ZNF804A: variants seen among roughly 807,000 people sequenced by gnomAD.
The protein encoded by ZNF804A is zinc finger protein 804A.
Under a neutral mutation model 16.5 loss-of-function variants are expected in ZNF804A, and 2 were observed. The observed-to-expected ratio is 0.12, with a 90% CI of 0.05 to 0.38. The LOEUF (loss-of-function observed/expected upper bound fraction) is 0.38. Ranked by LOEUF, ZNF804A falls within the 10% of genes least tolerant of loss-of-function variation. The pLI is 0.99. For synonymous variants in ZNF804A, 534 were observed against 489.6 expected, an observed-to-expected ratio of 1.09 and a Z score of -1.20; for missense variants, 1,473 against 1,390.7, an observed-to-expected ratio of 1.06 and a Z score of -0.94.
At chr2:184,662,510 C>A (rs916129277) in intron 1 of ZNF804A, among the ~76,000 whole-genome samples, 3 of 152,134 alleles carry the variant, frequency 2.0e-5, no homozygotes, top group Non-Finnish European at 4.4e-5. Flanking sequence ...CTGGATAATA[C>A]TTTGAAATAT....
chr2:184,606,461 A>G (rs1691147864), intron 1 of ZNF804A, among the ~76,000 whole-genome samples: 1 of 152,164 alleles, frequency 6.6e-6, no homozygotes. Context: ...CCCTCCCTCA[A>G]CACCTGGGGA....
At chr2:184,773,740 C>T (rs1000705326) in intron 1 of ZNF804A, among the ~76,000 whole-genome samples, 40 of 151,716 alleles carry the variant, frequency 2.6e-4, no homozygotes, top group African/African-American at 2.4e-5. Flanking sequence ...TCTCAGAAAT[C>T]GCCACTAAAG....
intron 1 of ZNF804A, among the ~76,000 whole-genome samples, chr2:184,818,267 G>T (rs1293648827): frequency 1.3e-5 from 2 of 151,934 alleles, no homozygotes; most frequent in African/African-American, 4.8e-5. Flanking sequence ...TATTTTTAAA[G>T]AAAATAATTT....
intron 1 of ZNF804A, among the ~76,000 whole-genome samples, chr2:184,623,406 A>T (rs1258135583): frequency 6.6e-6 from 1 of 152,132 alleles, no homozygotes; most frequent in Non-Finnish European, 1.5e-5. Context: ...AATTAATAGG[A>T]TTTGTAAAAT....
At chr2:184,850,462 G>A (rs1443497513) in intron 1 of ZNF804A, among the ~76,000 whole-genome samples, 1 of 151,886 alleles carries the variant, frequency 6.6e-6, no homozygotes, top group African/African-American at 2.4e-5. Context: ...AGGAAGTATA[G>A]ATTATGGATT....
intron 1 of ZNF804A, among the ~76,000 whole-genome samples, chr2:184,605,545 C>G (rs1404797712): frequency 6.6e-6 from 1 of 152,002 alleles, no homozygotes; most frequent in Non-Finnish European, 1.5e-5. Flanking sequence ...TTGTACTTAA[C>G]TTGTACAAAC....
At chr2:184,903,182 T>C (rs1364230152) in intron 2 of ZNF804A, among the ~76,000 whole-genome samples, 1 of 152,138 alleles carries the variant, frequency 6.6e-6, no homozygotes, top group Non-Finnish European at 1.5e-5. Context: ...CCCCCAACAA[T>C]TCCTGTGTGT....
At chr2:184,754,167 G>T (rs1458787222) in intron 1 of ZNF804A, among the ~76,000 whole-genome samples, 1 of 151,766 alleles carries the variant, frequency 6.6e-6, no homozygotes, top group African/African-American at 2.4e-5. Context: ...TATGTCCACA[G>T]CTTACCTCAA....
chr2:184,726,601 T>TA (rs1693414435), intron 1 of ZNF804A, among the ~76,000 whole-genome samples: 1 of 151,546 alleles, frequency 6.6e-6, no homozygotes, highest in Non-Finnish European at 1.5e-5. Context: ...AATAATTACA[T>TA]AAATGCATTT....
At chr2:184,686,972 C>T (rs910283630) in intron 1 of ZNF804A, among the ~76,000 whole-genome samples, 1 of 152,098 alleles carries the variant, frequency 6.6e-6, no homozygotes, top group African/African-American at 2.4e-5. Flanking sequence ...TTCTCTGATT[C>T]AGTAGGTTGT....
At chr2:184,705,052 G>T (rs1574171499) in intron 1 of ZNF804A, among the ~76,000 whole-genome samples, 1 of 152,302 alleles carries the variant, frequency 6.6e-6, no homozygotes, top group Middle Eastern at 3.4e-3. Context: ...GGCAAGAAAT[G>T]AGGCAGTGTT....
At chr2:184,733,705 G>A (rs1363369547) in intron 1 of ZNF804A, among the ~76,000 whole-genome samples, 1 of 152,148 alleles carries the variant, frequency 6.6e-6, no homozygotes, top group Non-Finnish European at 1.5e-5. Context: ...TTAATAGATG[G>A]AAGCTTATTT....
intron 1 of ZNF804A, among the ~76,000 whole-genome samples, chr2:184,693,871 A>G (rs1272845833): frequency 1.3e-5 from 2 of 151,340 alleles, no homozygotes; most frequent in Admixed American, 1.3e-4. Context: ...ACCTAATCTC[A>G]TGAATACTCA....
chr2:184,688,062 T>C (rs1692666608), intron 1 of ZNF804A, among the ~76,000 whole-genome samples: 1 of 152,164 alleles, frequency 6.6e-6, no homozygotes, highest in South Asian at 2.1e-4. Context: ...GAGGTTGCAG[T>C]GAGCCGAAAT....
intron 1 of ZNF804A, among the ~76,000 whole-genome samples, chr2:184,727,314 T>C (rs759372983): frequency 1.1e-4 from 17 of 151,696 alleles, no homozygotes; most frequent in Admixed American, 3.3e-4. Flanking sequence ...GGAAGCAATA[T>C]GAAAGAATTG....
At chr2:184,896,627 C>CT (rs1478469687) in intron 2 of ZNF804A, among the ~76,000 whole-genome samples, 3 of 152,014 alleles carry the variant, frequency 2.0e-5, no homozygotes, top group Admixed American at 6.6e-5. Flanking sequence ...AAACCTGTAC[C>CT]TTAGCTATTT....
intron 1 of ZNF804A, among the ~76,000 whole-genome samples, chr2:184,758,495 C>T (rs771948672): frequency 6.6e-6 from 1 of 151,830 alleles, no homozygotes; most frequent in Non-Finnish European, 1.5e-5. Context: ...GCATAGTTCC[C>T]AAGGTTACTC....
intron 1 of ZNF804A, among the ~76,000 whole-genome samples, chr2:184,807,309 G>T (rs1694822454): frequency 1.3e-5 from 2 of 151,820 alleles, no homozygotes; most frequent in Non-Finnish European, 3.0e-5. Flanking sequence ...GTGAAGTTTG[G>T]ATGCACCAAA....
At chr2:184,776,696 A>C (rs1361881082) in intron 1 of ZNF804A, among the ~76,000 whole-genome samples, 7 of 151,506 alleles carry the variant, frequency 4.6e-5, no homozygotes, top group Non-Finnish European at 8.9e-5. Context: ...TCCCAGTCTT[A>C]GTAAAGTTTC....
Sources: gnomAD v4.1 joint callset for allele counts (sites outside exome capture counted in the v4.1 genomes callset) on GRCh38, gnomAD v4.1.1 for gene constraint, MANE v1.5 for transcripts, NCBI Gene and HGNC (gene_info 2026-07-23, HGNC 2026-07-21) for gene names.